Variants in CHRM3 observed in about 807,000 individuals in gnomAD.
CHRM3 encodes the protein muscarinic acetylcholine receptor M3.
CHRM3 carries 11 observed loss-of-function variants against 41.8 expected under a neutral mutation model. The ratio of observed to expected loss-of-function variants is 0.26; its 90% CI spans 0.17 to 0.44. The LOEUF (loss-of-function observed/expected upper bound fraction) is 0.44, where lower values mean the gene tolerates loss of function less well. CHRM3 is among the 20% of genes least tolerant of loss of function. CHRM3 has a pLI of 1.00. For synonymous variants in CHRM3, 297 were observed against 301.4 expected (o/e 0.99, Z 0.15); for missense variants, 571 against 745.4 (o/e 0.77, Z 2.72).
intron 5 of CHRM3, among the ~76,000 whole-genome samples, chr1:239,825,885 G>A (rs1341251437): frequency 6.6e-6 from 1 of 152,030 alleles, no homozygotes; most frequent in Admixed American, 6.5e-5. Context: ...TGTCCAGCAA[G>A]GAAATTCTGA....
At chr1:239,664,904 C>T (rs976437071) in intron 4 of CHRM3, among the ~76,000 whole-genome samples, 5 of 152,086 alleles carry the variant, frequency 3.3e-5, no homozygotes, top group Admixed American at 1.3e-4. Context: ...TCTCCCTCTC[C>T]CTTCCTGTCC....
chr1:239,759,244 C>T (rs1430692450), intron 5 of CHRM3, among the ~76,000 whole-genome samples: 1 of 117,886 alleles, frequency 8.5e-6, no homozygotes, highest in Non-Finnish European at 1.6e-5. Flanking sequence ...AGAGATGAAA[C>T]TCATATTTGA....
intron 2 of CHRM3, among the ~76,000 whole-genome samples, chr1:239,494,134 T>G (rs1473564040): frequency 6.6e-6 from 1 of 152,186 alleles, no homozygotes; most frequent in Non-Finnish European, 1.5e-5. Context: ...TAGAACTTTC[T>G]AGGAAAGAAG....
At chr1:239,756,547 C>G (rs569356966) in intron 5 of CHRM3, among the ~76,000 whole-genome samples, 2 of 152,058 alleles carry the variant, frequency 1.3e-5, no homozygotes, top group East Asian at 3.9e-4. Context: ...GTGTGCTGGA[C>G]CACTATAATT....
chr1:239,679,638 TGATTAGA>T (rs1658365471), intron 5 of CHRM3, among the ~76,000 whole-genome samples: 1 of 152,124 alleles, frequency 6.6e-6, no homozygotes, highest in Non-Finnish European at 1.5e-5. Flanking sequence ...CTGAAATCCA[TGATTAGA>T]GATTAATGTC....
At chr1:239,431,952 GTA>G (rs1662867483) in intron 1 of CHRM3, among the ~76,000 whole-genome samples, 1 of 152,066 alleles carries the variant, frequency 6.6e-6, no homozygotes, top group East Asian at 1.9e-4. Context: ...CCTGCTGTGA[GTA>G]TAGAGTAGGA....
At chr1:239,776,411 C>T (rs937213865) in intron 5 of CHRM3, among the ~76,000 whole-genome samples, 1 of 152,154 alleles carries the variant, frequency 6.6e-6, no homozygotes, top group African/African-American at 2.4e-5. Flanking sequence ...TAAATGGTCC[C>T]AGTGATTACA....
At chr1:239,741,783 G>A (rs948929913) in intron 5 of CHRM3, among the ~76,000 whole-genome samples, 6 of 152,162 alleles carry the variant, frequency 3.9e-5, no homozygotes, top group African/African-American at 1.4e-4. Context: ...AACATAATCA[G>A]AAGCTATATT....
chr1:239,770,613 T>C (rs2148721698), intron 5 of CHRM3, among the ~76,000 whole-genome samples: 1 of 152,252 alleles, frequency 6.6e-6, no homozygotes, highest in African/African-American at 2.4e-5. Context: ...GAGCGGAAGA[T>C]GACTGCTTGA....
At chr1:239,632,135 G>A (rs561819820) in intron 3 of CHRM3, 89 bp from the exon 4 acceptor site, 4 of 152,150 alleles carry the variant, frequency 2.6e-5, no homozygotes, top group Admixed American at 6.5e-5. Flanking sequence ...GCCTCTAATC[G>A]TGTTGTGTAA....
At chr1:239,592,114 T>C (rs985372575) in intron 3 of CHRM3, among the ~76,000 whole-genome samples, 1 of 152,226 alleles carries the variant, frequency 6.6e-6, no homozygotes, top group Admixed American at 6.5e-5. Flanking sequence ...AGCTTATTCA[T>C]TTGAATTAGG....
At chr1:239,516,470 T>C (rs1268597059) in intron 2 of CHRM3, among the ~76,000 whole-genome samples, 2 of 152,210 alleles carry the variant, frequency 1.3e-5, no homozygotes, top group African/African-American at 4.8e-5. Flanking sequence ...TGCCTTTGGG[T>C]ATTTTTTGAG....
Position 239,909,870 on chromosome 1 carries a change from A to T in CHRM3, c.*646A>T, listed in dbSNP as rs983320765. 1 of 167,178 alleles carries T rather than the reference A, an allele frequency of 6.0e-6. No individual in the cohort carries two copies. The highest frequency in any genetic ancestry group is 2.4e-5 in the African/African-American group (1 of 41,464). 10.4% of individuals were successfully genotyped at this position (167,178 alleles called of 1,614,324 possible). A position where few individuals can be genotyped will look rare whatever the true frequency, so the allele number is the denominator to read the frequency against. On this transcript the variant is annotated 3_prime_UTR_variant, in exon 7 of 7. Transcript: ENST00000676153. ...ATATATGTGTGAGTTCTGCACGCAC[A>T]CACATAGTGTATATAATATCATGGG...
intron 3 of CHRM3, among the ~76,000 whole-genome samples, chr1:239,627,690 C>T (rs1210628845): frequency 1.4e-5 from 2 of 138,748 alleles, no homozygotes; most frequent in Non-Finnish European, 1.5e-5. Context: ...TCTTTTAGGG[C>T]AGGCCTGGTG....
chr1:239,746,564 A>C (rs181763450), intron 5 of CHRM3, among the ~76,000 whole-genome samples: 8 of 152,340 alleles, frequency 5.3e-5, no homozygotes, highest in Admixed American at 5.2e-4. Flanking sequence ...TAGAAAGTTT[A>C]AAATACTATT....
At chr1:239,718,783 T>G (rs1209737581) in intron 5 of CHRM3, 1 of 152,024 alleles carries the variant, frequency 6.6e-6, no homozygotes. Flanking sequence ...AAAGCTCTTT[T>G]CTTAAATTAC....
intron 4 of CHRM3, among the ~76,000 whole-genome samples, chr1:239,674,689 G>A (rs193211629): frequency 4.0e-5 from 5 of 124,920 alleles, no homozygotes; most frequent in African/African-American, 9.5e-5. Context: ...CAGCCTGAGC[G>A]ACAGACTGAG....
intron 5 of CHRM3, chr1:239,703,910 T>G: frequency 6.6e-6 from 1 of 152,198 alleles, no homozygotes. Context: ...AACACAGATT[T>G]ATTTGTTTAT....
chr1:239,767,789 A>C (rs977937012), intron 5 of CHRM3, among the ~76,000 whole-genome samples: 2 of 152,128 alleles, frequency 1.3e-5, no homozygotes, highest in African/African-American at 4.8e-5. Context: ...AATCAGATGG[A>C]TCTACCTGGT....
Sources: allele counts gnomAD v4.1 joint callset (sites outside exome capture counted in the v4.1 genomes callset), GRCh38; gene constraint gnomAD v4.1.1; transcripts MANE v1.5; gene names NCBI Gene and HGNC (gene_info 2026-07-23, HGNC 2026-07-21).